The following ARPC2 variants were observed in gnomAD, a reference collection of about 807,000 sequenced individuals.
ARPC2 encodes the protein actin-related protein 2/3 complex subunit 2.
Under a neutral mutation model 38.6 loss-of-function variants are expected in ARPC2, and 4 were observed. The ratio of observed to expected loss-of-function variants is 0.10; its 90% CI spans 0.05 to 0.24. The LOEUF (loss-of-function observed/expected upper bound fraction) is 0.24, where lower values mean the gene tolerates loss of function less well. ARPC2 is among the 10% of genes least tolerant of loss of function. The pLI, the probability that ARPC2 is intolerant of heterozygous loss-of-function variation, is 1.00. For missense variants in ARPC2, 229 were observed against 387.3 expected (o/e 0.59, Z 3.43); for synonymous variants, 125 against 140.8 (o/e 0.89, Z 0.79).
At chr2:218,240,177 T>C (rs1017588188) in intron 7 of ARPC2, among the ~76,000 whole-genome samples, 8 of 150,398 alleles carry the variant, frequency 5.3e-5, no homozygotes, top group Non-Finnish European at 7.4e-5. Flanking sequence ...ATGGTCTCAA[T>C]CTCCTGACCT....
At chr2:218,224,841 CA>C (rs1689460632) in intron 2 of ARPC2, among the ~76,000 whole-genome samples, 1 of 152,186 alleles carries the variant, frequency 6.6e-6, no homozygotes, top group African/African-American at 2.4e-5. Context: ...ACTCATAAAC[CA>C]TGTTATATAT....
chr2:218,243,458 G>GAGA (rs1689962144), intron 7 of ARPC2, among the ~76,000 whole-genome samples: 2 of 152,108 alleles, frequency 1.3e-5, no homozygotes, highest in Admixed American at 6.6e-5. Flanking sequence ...GAGAACTGAG[G>GAGA]AGAAGCAAAG....
chr2:218,251,053 C>A (rs1427576496), intron 10 of ARPC2, among the ~76,000 whole-genome samples: 1 of 151,978 alleles, frequency 6.6e-6, no homozygotes, highest in Non-Finnish European at 1.5e-5. Flanking sequence ...CCAGGCTGGT[C>A]TAGAACTCGT....
chr2:218,230,968 A>T (rs948162981), intron 4 of ARPC2, among the ~76,000 whole-genome samples: 3 of 152,204 alleles, frequency 2.0e-5, no homozygotes, highest in African/African-American at 7.2e-5. Context: ...TCCAGAACAC[A>T]TTGCTATTCT....
intron 7 of ARPC2, among the ~76,000 whole-genome samples, chr2:218,240,535 A>C (rs1017703049): frequency 3.6e-4 from 55 of 152,266 alleles, no homozygotes; most frequent in African/African-American, 1.3e-3. Flanking sequence ...GAACTGACAG[A>C]CTGAGCCTGA....
At chr2:218,232,254 T>TAATTA (rs1377898137) in intron 4 of ARPC2, among the ~76,000 whole-genome samples, 3 of 151,988 alleles carry the variant, frequency 2.0e-5, no homozygotes, top group Non-Finnish European at 2.9e-5. Context: ...AAAAAAGAAT[T>TAATTA]AATTAAATTA....
Position 218,245,469 on chromosome 2 carries a change from T to G in ARPC2, c.599T>G (p.Phe200Cys). Residue 200 changes from phenylalanine (F) to cysteine (C), a missense_variant, in exon 8 of 11, where the codon TTT becomes TGT. Phe to Cys is a radical substitution (Grantham distance 205). Transcript: ENST00000315717. ...AGCCACACAGCCCCACAGGTCCTCT[T>G]TAGCCACAGGGAACCTCCTCTGGAG... The part of the protein sequence containing the change: ...RASHTAPQVL[F>C]SHREPPLELK... 1 of 1,614,158 alleles carries G rather than the reference T, an allele frequency of 6.2e-7. No homozygotes were observed. Among genetic ancestry groups the G allele is most frequent in the Non-Finnish European group, 8.5e-7 (1 of 1,180,022 alleles).
At chr2:218,233,177 C>T (rs1046588563) in intron 4 of ARPC2, 2 of 151,822 alleles carry the variant, frequency 1.3e-5, no homozygotes, top group East Asian at 1.9e-4. Context: ...TAATAATAAT[C>T]GTAAATTTTG....
intron 10 of ARPC2, among the ~76,000 whole-genome samples, chr2:218,251,188 GTTGTT>G (rs1326456881): frequency 6.7e-6 from 1 of 149,876 alleles, no homozygotes; most frequent in Non-Finnish European, 1.5e-5. Context: ...CAGTACTGTT[GTTGTT>G]TTGTTTTGTT....
At position 218,238,707 on chromosome 2, in the gene ARPC2, A is replaced by G. The variant is rs1217583605; in HGVS notation, c.312A>G (p.Ala104=). The change falls in exon 6 of 11, where the codon GCA becomes GCG. Residue 104 remains alanine (A), a synonymous_variant. Coordinates refer to ENST00000315717, the MANE Select transcript of ARPC2 (RefSeq NM_152862.3). ...TATATGACCTTGAAAATCTTCCGGC[A>G]TCCAAGGATTCCATTGTGCATCAAG... ...SLLYDLENLP[A]SKDSIVHQAG... The G allele has an allele frequency of 6.2e-7, 1 of 1,612,452 alleles. No homozygotes were observed. The highest frequency in any genetic ancestry group is 1.1e-5 in the South Asian group (1 of 91,028).
intron 3 of ARPC2, among the ~76,000 whole-genome samples, chr2:218,226,243 G>A (rs1433792293): frequency 6.6e-6 from 1 of 151,042 alleles, no homozygotes; most frequent in Non-Finnish European, 1.5e-5. Flanking sequence ...TGTGAGCTGA[G>A]ATCACACCAC....
At chr2:218,239,940 A>G (rs1242287768) in intron 7 of ARPC2, among the ~76,000 whole-genome samples, 2 of 150,438 alleles carry the variant, frequency 1.3e-5, no homozygotes, top group African/African-American at 4.9e-5. Flanking sequence ...CACAAAACTC[A>G]GTGAATATTT....
chr2:218,220,469 AGAC>A (rs1689357644), intron 2 of ARPC2, among the ~76,000 whole-genome samples: 1 of 152,244 alleles, frequency 6.6e-6, no homozygotes, highest in Non-Finnish European at 1.5e-5. Flanking sequence ...TATTTAGCAC[AGAC>A]ATGGAACATT....
At chr2:218,240,058 A>G (rs7594268) in intron 7 of ARPC2, among the ~76,000 whole-genome samples, 146,403 of 152,084 alleles carry the variant, frequency 0.96, 70,688 homozygotes, top group East Asian at 1. Flanking sequence ...GGGTTCAAGC[A>G]ATTTTCCTGC....
At chr2:218,219,056 T>C (rs1253137667) in intron 2 of ARPC2, among the ~76,000 whole-genome samples, 1 of 152,254 alleles carries the variant, frequency 6.6e-6, no homozygotes, top group Non-Finnish European at 1.5e-5. Context: ...TTCTGCATTT[T>C]CATAACTGAT....
intron 5 of ARPC2, among the ~76,000 whole-genome samples, chr2:218,236,952 C>A (rs576424269): frequency 2.0e-5 from 3 of 152,266 alleles, no homozygotes; most frequent in African/African-American, 7.2e-5. Context: ...TAGAAATATT[C>A]TTGCAAAAAC....
chr2:218,239,520 G>A, intron 7 of ARPC2, 36 bp downstream of exon 7: 1 of 1,518,662 alleles, frequency 6.6e-7, no homozygotes, highest in East Asian at 2.3e-5. Context: ...ACCCATGCAT[G>A]GCGACTTATA....
At chr2:218,247,000 CTG>C (rs915023480) in intron 8 of ARPC2, among the ~76,000 whole-genome samples, 8 of 152,046 alleles carry the variant, frequency 5.3e-5, no homozygotes, top group Non-Finnish European at 7.4e-5. Context: ...TGGTGCATGA[CTG>C]TAGTCATAGC....
intron 5 of ARPC2, among the ~76,000 whole-genome samples, chr2:218,237,071 T>C (rs549798613): frequency 5.3e-4 from 81 of 152,340 alleles, no homozygotes; most frequent in Non-Finnish European, 8.4e-4. Context: ...GGTCATCCAA[T>C]GGTTTCAGTC....
Sources: gnomAD v4.1 joint callset for allele counts (sites outside exome capture counted in the v4.1 genomes callset) on GRCh38, gnomAD v4.1.1 for gene constraint, MANE v1.5 for transcripts, NCBI Gene and HGNC (gene_info 2026-07-23, HGNC 2026-07-21) for gene names.